HDAC9: variants seen among roughly 807,000 people sequenced by gnomAD.
The protein encoded by HDAC9 is histone deacetylase 9, also known as MEF-2 interacting transcription repressor (MITR) protein.
In HDAC9, 41 loss-of-function variants were observed where a neutral mutation model predicts 139.4. The observed-to-expected ratio is 0.29, with a 90% CI of 0.23 to 0.38. The LOEUF (loss-of-function observed/expected upper bound fraction) is 0.38. Ranked by LOEUF, HDAC9 falls within the 10% of genes least tolerant of loss-of-function variation. The pLI, the probability that HDAC9 is intolerant of heterozygous loss-of-function variation, is 1.00. For missense variants in HDAC9, 1,147 were observed against 1,297.0 expected, an observed-to-expected ratio of 0.88 and a Z score of 1.78; for synonymous variants, 517 against 476.2, an observed-to-expected ratio of 1.09 and a Z score of -1.12.
intron 25 of HDAC9, 101 bp downstream of exon 25, chr7:18,976,054 C>T (rs1347214118): frequency 1.7e-6 from 2 of 1,201,816 alleles, no homozygotes; most frequent in African/African-American, 1.5e-5. Flanking sequence ...CTGTCTCCTC[C>T]ACTTCCACCA....
intron 11 of HDAC9, among the ~76,000 whole-genome samples, chr7:18,652,524 A>G (rs1474327631): frequency 1.3e-5 from 2 of 151,804 alleles, no homozygotes; most frequent in South Asian, 2.1e-4. Flanking sequence ...TCACTTCACT[A>G]TTTGAATGAT....
intron 1 of HDAC9, among the ~76,000 whole-genome samples, chr7:18,433,798 A>T (rs146336797): frequency 1.3e-5 from 2 of 152,250 alleles, no homozygotes; most frequent in African/African-American, 4.8e-5. Flanking sequence ...AAAGCATTCC[A>T]TGCTCATTGA....
chr7:18,814,145 C>G (rs998698291), intron 17 of HDAC9, among the ~76,000 whole-genome samples: 4 of 152,266 alleles, frequency 2.6e-5, no homozygotes, highest in African/African-American at 4.8e-5. Flanking sequence ...ACTCCCCGCT[C>G]TAAACCTTGC....
chr7:18,829,012 A>T, intron 17 of HDAC9, 149 bp from the exon 18 acceptor site: 1 of 664,904 alleles, frequency 1.5e-6, no homozygotes, highest in Admixed American at 2.3e-5. Context: ...ATGACTGGCA[A>T]TGGGGGAACA....
chr7:18,516,085 T>A (rs1365836667), intron 2 of HDAC9, among the ~76,000 whole-genome samples: 1 of 152,178 alleles, frequency 6.6e-6, no homozygotes, highest in Non-Finnish European at 1.5e-5. Flanking sequence ...CACTTAAAAT[T>A]TTTTGGGTTG....
chr7:18,686,714 T>C (rs923787637), intron 12 of HDAC9, among the ~76,000 whole-genome samples: 3 of 151,948 alleles, frequency 2.0e-5, no homozygotes, highest in African/African-American at 7.2e-5. Context: ...ATTCTGAAAT[T>C]TTAACTCTGT....
intron 24 of HDAC9, among the ~76,000 whole-genome samples, chr7:18,959,222 C>T (rs1783362853): frequency 6.6e-6 from 1 of 151,962 alleles, no homozygotes; most frequent in South Asian, 2.1e-4. Flanking sequence ...GTGAGTTTCC[C>T]ATAAAAGTAA....
chr7:18,496,058 A>G, intron 1 of HDAC9, 35 bp downstream of exon 1: 1 of 1,435,100 alleles, frequency 7.0e-7, no homozygotes, highest in Non-Finnish European at 9.1e-7. Context: ...AGGTCTTTTT[A>G]AAAGTGGATG....
chr7:18,780,870 G>T (rs1791192357), intron 16 of HDAC9, among the ~76,000 whole-genome samples: 1 of 151,962 alleles, frequency 6.6e-6, no homozygotes, highest in East Asian at 1.9e-4. Context: ...GTGTTCTAAA[G>T]AATCAACAAC....
intron 25 of HDAC9, among the ~76,000 whole-genome samples, chr7:18,982,188 T>C (rs901793670): frequency 6.6e-5 from 10 of 152,174 alleles, no homozygotes; most frequent in African/African-American, 2.2e-4. Flanking sequence ...CAAAGTATCA[T>C]CATCTCTCAT....
At chr7:18,323,715 T>C (rs1800212226) in intron 1 of HDAC9, among the ~76,000 whole-genome samples, 1 of 152,134 alleles carries the variant, frequency 6.6e-6, no homozygotes, top group Non-Finnish European at 1.5e-5. Flanking sequence ...GTAACTGTAA[T>C]AGTCTTTGGT....
At chr7:18,180,824 G>A (rs1241712030) in intron 2 of HDAC9, among the ~76,000 whole-genome samples, 1 of 152,164 alleles carries the variant, frequency 6.6e-6, no homozygotes, top group Non-Finnish European at 1.5e-5. Flanking sequence ...CAGTTTCACT[G>A]GGCTGAAATG....
chr7:18,915,072 ACAATAAAT>A lies in HDAC9; in HGVS notation c.2804-20732_2804-20725del, dbSNP rs1259234416. ...AAAGATATATGACCACTGACTGACA[ACAATAAAT>A]CAATTTGTACGCATTTGTGCATGTG... On this transcript the variant is annotated intron_variant, in intron 22 of 25. Transcript: ENST00000686413. 4.6e-5 allele frequency among the ~76,000 whole-genome samples: 7 copies of A among 152,242 alleles called. No homozygotes were observed. The East Asian group carries it at 1.4e-3, about 29-fold the overall frequency.
chr7:18,491,908 C>T (rs965425939), upstream of HDAC9, among the ~76,000 whole-genome samples: 4 of 151,860 alleles, frequency 2.6e-5, no homozygotes. Flanking sequence ...CTCACAGACA[C>T]ACCCAAAAAA....
chr7:18,260,387 C>T (rs2128206215), intron 2 of HDAC9: 2 of 144,154 alleles, frequency 1.4e-5, no homozygotes, highest in South Asian at 4.4e-4. Flanking sequence ...GGCACGATCT[C>T]AGCTCACTGC....
intron 15 of HDAC9, among the ~76,000 whole-genome samples, chr7:18,762,800 C>T (rs931499899): frequency 2.0e-5 from 3 of 152,074 alleles, no homozygotes; most frequent in African/African-American, 7.2e-5. Flanking sequence ...TTAAATAATA[C>T]ATTAAATGCA....
intron 8 of HDAC9, among the ~76,000 whole-genome samples, chr7:18,644,237 G>C (rs544231056): frequency 1.2e-4 from 18 of 152,112 alleles, no homozygotes; most frequent in African/African-American, 4.3e-4. Flanking sequence ...TTTTTCTTGG[G>C]TCAGTTTTCC....
At chr7:18,951,287 CATT>C (rs918100706) in intron 23 of HDAC9, among the ~76,000 whole-genome samples, 26 of 151,998 alleles carry the variant, frequency 1.7e-4, no homozygotes, top group African/African-American at 5.3e-4. Context: ...CATGCCAATA[CATT>C]ATCACAACTT....
intron 1 of HDAC9, among the ~76,000 whole-genome samples, chr7:18,440,189 CTTTTTTTTTT>C (rs527897900): frequency 7.7e-6 from 1 of 130,166 alleles, no homozygotes; most frequent in Non-Finnish European, 1.7e-5. Flanking sequence ...TTTTTTTTTT[CTTTTTTTTTT>C]TTTTGGCGGA....
Sources: allele counts gnomAD v4.1 joint callset (sites outside exome capture counted in the v4.1 genomes callset), GRCh38; gene constraint gnomAD v4.1.1; transcripts MANE v1.5; gene names NCBI Gene and HGNC (gene_info 2026-07-23, HGNC 2026-07-21).